JAKMIP3: variants seen among roughly 807,000 people sequenced by gnomAD.
JAKMIP3 encodes Janus kinase and microtubule interacting protein 3, also known as janus kinase and microtubule-interacting protein 3.
A neutral mutation model predicts 118.5 loss-of-function variants in JAKMIP3; 58 were observed. The observed-to-expected ratio is 0.49, with a 90% CI of 0.40 to 0.61. The LOEUF (loss-of-function observed/expected upper bound fraction) is 0.61, where lower values mean the gene tolerates loss of function less well. JAKMIP3 is among the 20% of genes least tolerant of loss of function. The pLI is 0.00. For missense variants in JAKMIP3, 950 were observed against 1,109.0 expected, an observed-to-expected ratio of 0.86 and a Z score of 2.04; for synonymous variants, 486 against 451.2, an observed-to-expected ratio of 1.08 and a Z score of -0.98.
At chr10:132,083,484 C>G (rs964079629) in intron 1 of JAKMIP3, among the ~76,000 whole-genome samples, 2 of 152,104 alleles carry the variant, frequency 1.3e-5, no homozygotes, top group African/African-American at 4.8e-5. Context: ...TCTGGGTTGT[C>G]TCTTCACTCT....
chr10:132,071,860 T>C (rs2039958200), intron 1 of JAKMIP3, among the ~76,000 whole-genome samples: 1 of 133,448 alleles, frequency 7.5e-6, no homozygotes, highest in Non-Finnish European at 1.6e-5. Flanking sequence ...TTTCCTTTCT[T>C]TCCTTTCTTT....
In JAKMIP3 at chr10:132,135,983, C is replaced by G; in HGVS notation, c.1023C>G (p.Asn341Lys). The G allele has an allele frequency of 6.2e-7, 1 of 1,613,560 alleles. No individual in the cohort carries two copies. The highest frequency in any genetic ancestry group is 8.5e-7 in the Non-Finnish European group (1 of 1,179,758). Reference sequence around the variant, plus strand: ...AGTACAAGCCTCTGCTGGATAAAAACAAGCGCCTCAGTCGGAAGAACGAGG... The same window carrying G: ...AGTACAAGCCTCTGCTGGATAAAAAGAAGCGCCTCAGTCGGAAGAACGAGG... Reference protein sequence around the residue: ...ESQYKPLLDKNKRLSRKNEDL... With the variant: ...ESQYKPLLDKKKRLSRKNEDL... The change falls in exon 6 of 24, where the codon AAC (asparagine) becomes AAG (lysine). Residue 341 changes from asparagine to lysine, a missense_variant. By Grantham distance (94) the Asn-to-Lys change is moderately conservative (BLOSUM62 0). Transcript: ENST00000684848.
At chr10:132,128,470 C>G (rs1161539292) in intron 3 of JAKMIP3, among the ~76,000 whole-genome samples, 1 of 152,178 alleles carries the variant, frequency 6.6e-6, no homozygotes, top group Non-Finnish European at 1.5e-5. Context: ...ATGGAAAATT[C>G]TGGACCATTA....
chr10:132,147,389 G>A (rs1290941470), intron 13 of JAKMIP3, among the ~76,000 whole-genome samples: 2 of 152,222 alleles, frequency 1.3e-5, no homozygotes, highest in African/African-American at 4.8e-5. Flanking sequence ...GAAGGGGTGG[G>A]GGACTCCTGC....
chr10:132,059,667 C>A (rs2038339130), intron 1 of JAKMIP3, among the ~76,000 whole-genome samples: 1 of 152,230 alleles, frequency 6.6e-6, no homozygotes, highest in Non-Finnish European at 1.5e-5. Flanking sequence ...GCAGCAGGCG[C>A]TTAGTGGGGT....
intron 1 of JAKMIP3, among the ~76,000 whole-genome samples, chr10:132,045,821 C>A (rs767405357): frequency 6.6e-6 from 1 of 151,706 alleles, no homozygotes; most frequent in Non-Finnish European, 1.5e-5. Context: ...GCAGTCCCAG[C>A]TACTCAGGAG....
chr10:132,064,368 C>G (rs117587853), upstream of JAKMIP3, among the ~76,000 whole-genome samples: 3 of 152,168 alleles, frequency 2.0e-5, no homozygotes, highest in Non-Finnish European at 4.4e-5. The surrounding 1 kb of genome is among the most constrained non-coding windows in gnomAD (Gnocchi z 4.4). Flanking sequence ...GCACTGCCCT[C>G]GTCAGGAAGG....
At chr10:132,160,469 C>CTGG in intron 19 of JAKMIP3, among the ~76,000 whole-genome samples, 1 of 40,482 alleles carries the variant, frequency 2.5e-5, no homozygotes, top group Admixed American at 2.2e-4. Flanking sequence ...CTGTGTGATG[C>CTGG]TGGGGGACCT....
chr10:132,137,048 C>T lies in JAKMIP3; in HGVS notation c.1146C>T (p.Pro382=). ...MRQRAGIIRR[P]SSLNDLDQSQ... is the part of the protein sequence containing the mutation. ...AGAGAGCTGGAATCATACGGAGACC[C>T]AGTTCCTTGAATGACCTTGATCAAA... is the stretch of plus-strand genomic sequence containing the variant. Residue 382 remains proline (P), a synonymous_variant, in exon 7 of 24, where the codon CCC becomes CCT. Transcript: ENST00000684848. 6.2e-7 allele frequency: 1 copy of T among 1,613,930 alleles called. No homozygotes were observed. Among genetic ancestry groups the T allele is most frequent in the Non-Finnish European group, 8.5e-7 (1 of 1,179,860 alleles).
intron 2 of JAKMIP3, among the ~76,000 whole-genome samples, chr10:132,116,848 G>A (rs999706145): frequency 2.7e-5 from 4 of 148,336 alleles, no homozygotes; most frequent in African/African-American, 1.0e-4. Context: ...GTGAGTGTGT[G>A]CATCATGGAC....
chr10:132,107,866 C>T (rs546236084), intron 2 of JAKMIP3, among the ~76,000 whole-genome samples: 90 of 152,356 alleles, frequency 5.9e-4, no homozygotes, highest in Admixed American at 7.2e-4. Flanking sequence ...CTGCAGGAGA[C>T]GTTCTTGCAA....
At chr10:132,103,358 G>A (rs1200600196) in intron 1 of JAKMIP3, among the ~76,000 whole-genome samples, 2 of 148,928 alleles carry the variant, frequency 1.3e-5, no homozygotes, top group Non-Finnish European at 3.0e-5. Context: ...TGCTGGAGAG[G>A]AACATCAGGG....
Position 132,104,732 on chromosome 10 carries a change from G to A in JAKMIP3, c.-77G>A, listed in dbSNP as rs1038078407. The A allele has an allele frequency of 1.4e-6, 2 of 1,461,150 alleles. No homozygotes were observed. Among genetic ancestry groups the A allele is most frequent in the Non-Finnish European group, 1.9e-6 (2 of 1,075,950 alleles). The allele number at this position is 1,461,150 out of a possible 1,614,324, so 90.5% of individuals were successfully genotyped here. ...TGACACCTGCTGGGAGCTTGGCGTGGACACCCCAGCCACCCCCAGCCCAGC... is the reference window on the plus strand; with the variant it reads ...TGACACCTGCTGGGAGCTTGGCGTGAACACCCCAGCCACCCCCAGCCCAGC... On this transcript the variant is annotated 5_prime_UTR_variant, in exon 2 of 24. The change creates a premature stop within an existing upstream ORF in the 5' untranslated region. Transcript: ENST00000684848.
At chr10:132,102,650 G>T (rs930797716) in intron 1 of JAKMIP3, among the ~76,000 whole-genome samples, 4 of 152,146 alleles carry the variant, frequency 2.6e-5, no homozygotes, top group African/African-American at 4.8e-5. Flanking sequence ...GGTCACCTCC[G>T]ACCCTCCTTT....
chr10:132,146,230 C>T (rs982025530), intron 13 of JAKMIP3, among the ~76,000 whole-genome samples: 1 of 150,520 alleles, frequency 6.6e-6, no homozygotes, highest in Admixed American at 6.7e-5. Flanking sequence ...GGCCAGGCTG[C>T]TCTCAGTGGC....
chr10:132,051,999 A>G lies in JAKMIP3; in HGVS notation c.-138+15261A>G, dbSNP rs572139804. Among the ~76,000 whole-genome samples the G allele has an allele frequency of 7.9e-5, 12 of 152,318 alleles. No homozygotes were observed. In the East Asian group the frequency reaches 2.1e-3, roughly 27 times the overall value. On this transcript the variant is annotated intron_variant, in intron 1 of 23. Coordinates refer to the JAKMIP3 transcript ENST00000657785. Reference sequence around the variant, plus strand: ...TACTTTGGGAGGCAGAGGCAGGAGGATCATTTGAGTCCAGAATTTTGAAAC... The same window carrying G: ...TACTTTGGGAGGCAGAGGCAGGAGGGTCATTTGAGTCCAGAATTTTGAAAC...
chr10:132,151,207 A>G (rs1241187321), intron 16 of JAKMIP3, among the ~76,000 whole-genome samples: 1 of 151,656 alleles, frequency 6.6e-6, no homozygotes, highest in Non-Finnish European at 1.5e-5. Context: ...TGCATCCTCC[A>G]TCATTCATTC....
chr10:132,137,174 G>A lies in JAKMIP3; in HGVS notation c.1248+24G>A, dbSNP rs143120823. On this transcript the variant is annotated intron_variant, in intron 7 of 23. Transcript: ENST00000684848. ...AGGTACCCGGCGGGCTGTTTGCTGC[G>A]GCCCCGTCCTCTGGCTCCCAAGGGG... 14,194 of 1,613,804 alleles carry A rather than the reference G, an allele frequency of 8.8e-3. 83 individuals carry two copies. Among genetic ancestry groups the A allele is most frequent in the Non-Finnish European group, 0.011 (12,581 of 1,179,814 alleles).
intron 22 of JAKMIP3, among the ~76,000 whole-genome samples, chr10:132,167,659 T>A (rs999572055): frequency 1.3e-5 from 2 of 151,934 alleles, no homozygotes; most frequent in African/African-American, 4.8e-5. Flanking sequence ...GGTCCTCGAG[T>A]CTGCACCCTT....
Sources: gnomAD v4.1 joint callset for allele counts (sites outside exome capture counted in the v4.1 genomes callset) on GRCh38, gnomAD v4.1.1 for gene constraint, Gnocchi (gnomAD v3.1) non-coding constraint, MANE v1.5 for transcripts, NCBI Gene and HGNC (gene_info 2026-07-23, HGNC 2026-07-21) for gene names.